Variants in FOXP2 observed in about 807,000 individuals in gnomAD.
FOXP2 encodes the protein forkhead box P2.
In FOXP2, 12 loss-of-function variants were observed where a neutral mutation model predicts 115.8. The observed-to-expected ratio is 0.10, with a 90% CI of 0.07 to 0.17. The LOEUF is 0.17. FOXP2 is among the 10% of genes least tolerant of loss of function. The pLI is 1.00. For missense variants in FOXP2, 629 were observed against 843.5 expected, an observed-to-expected ratio of 0.75 and a Z score of 3.15; for synonymous variants, 328 against 297.7, an observed-to-expected ratio of 1.10 and a Z score of -1.05.
chr7:114,250,694 T>G (rs529749098), intron 1 of FOXP2, among the ~76,000 whole-genome samples: 1 of 152,224 alleles, frequency 6.6e-6, no homozygotes, highest in African/African-American at 2.4e-5. Context: ...ATTCTAGATA[T>G]TAGCCCTTTG....
At chr7:114,277,231 A>G (rs1318781083) in intron 1 of FOXP2, among the ~76,000 whole-genome samples, 1 of 152,128 alleles carries the variant, frequency 6.6e-6, no homozygotes, top group Non-Finnish European at 1.5e-5. Flanking sequence ...AAATTTTATT[A>G]TTTTTGTTTT....
chr7:114,691,211 G>GTAT lies in FOXP2; in HGVS notation c.*1286_*1287insATT. 1 of 453,952 alleles carries GTAT rather than the reference G, an allele frequency of 2.2e-6. No individual in the cohort carries two copies. 28.1% of individuals were successfully genotyped at this position (453,952 alleles called of 1,614,324 possible). ...TGGTGAATACATGTTGTTAGAAGAT[G>GTAT]TCTTGTATGGTCTTAATCTTTGTTG... On this transcript the variant is annotated 3_prime_UTR_variant, in exon 17 of 17. Coordinates refer to ENST00000350908, the MANE Select transcript of FOXP2 (RefSeq NM_014491.4).
chr7:114,629,956 AG>A lies in FOXP2; in HGVS notation c.549del (p.Gln183HisfsTer79). On this transcript the variant is annotated frameshift_variant, in exon 5 of 17. Coordinates refer to ENST00000350908, the MANE Select transcript of FOXP2 (RefSeq NM_014491.4). LOFTEE classifies it high-confidence loss of function. ...QQQQQQQQQQ[Q>X]QQQQQQQQHP... ...CAGCAGCAACAACAGCAGCAGCAGC[AG>A]CAACAGCAGCAGCAGCAGCAACAGC... 1 of 1,612,010 alleles carries A rather than the reference AG, an allele frequency of 6.2e-7. No individual in the cohort carries two copies. Among genetic ancestry groups the A allele is most frequent in the Non-Finnish European group, 8.5e-7 (1 of 1,179,136 alleles).
intron 1 of FOXP2, among the ~76,000 whole-genome samples, chr7:114,101,010 A>T (rs1790935878): frequency 6.6e-6 from 1 of 152,110 alleles, no homozygotes. Context: ...TGCTCAGGAA[A>T]CACAGGACTC....
Position 114,223,489 on chromosome 7 carries a change from T to TTA in FOXP2, c.-102+60411_-102+60412dup, listed in dbSNP as rs113213202. Among the ~76,000 whole-genome samples, 560 of 147,424 alleles carry TTA rather than the reference T, an allele frequency of 3.8e-3. 6 individuals carry two copies. The highest frequency in any genetic ancestry group is 0.013 in the African/African-American group (532 of 40,640). On this transcript the variant is annotated intron_variant, in intron 1 of 17. Coordinates refer to the FOXP2 transcript ENST00000634411. Reference sequence around the variant, plus strand: ...AGGAATTCTTTATATATTATATACATTATATATATATTATATATAATATAT... The same window carrying TTA: ...AGGAATTCTTTATATATTATATACATTATATATATATATTATATATAATATAT...
chr7:114,470,594 T>C (rs1185977133), intron 2 of FOXP2, among the ~76,000 whole-genome samples: 1 of 152,178 alleles, frequency 6.6e-6, no homozygotes, highest in Non-Finnish European at 1.5e-5. Context: ...GGTCTCTATA[T>C]ACTGGATGGA....
intron 1 of FOXP2, among the ~76,000 whole-genome samples, chr7:114,175,719 A>G (rs1793272977): frequency 6.6e-6 from 1 of 152,216 alleles, no homozygotes. Context: ...GCTATAAAAA[A>G]AGCATTTGCT....
intron 2 of FOXP2, among the ~76,000 whole-genome samples, chr7:114,300,228 A>G (rs892129073): frequency 3.9e-5 from 6 of 152,152 alleles, no homozygotes; most frequent in African/African-American, 1.4e-4. Context: ...ACAGATGACG[A>G]TTCAATCTAT....
intron 2 of FOXP2, among the ~76,000 whole-genome samples, chr7:114,345,505 T>G (rs1791325554): frequency 6.6e-6 from 1 of 151,824 alleles, no homozygotes; most frequent in African/African-American, 2.4e-5. Context: ...GCAAAGGCAT[T>G]CCTTAATGCT....
At chr7:114,235,845 C>T (rs1794994501) in intron 1 of FOXP2, among the ~76,000 whole-genome samples, 1 of 152,152 alleles carries the variant, frequency 6.6e-6, no homozygotes, top group Non-Finnish European at 1.5e-5. Context: ...GTTCATTCTC[C>T]AGTCTTATCA....
At chr7:114,162,886 A>AG (rs1258996384), upstream of FOXP2, 2 of 151,836 alleles carry the variant, frequency 1.3e-5, no homozygotes, top group Non-Finnish European at 2.9e-5. Context: ...CAGTACAGTA[A>AG]GAAAAAAAAA....
intron 1 of FOXP2, among the ~76,000 whole-genome samples, chr7:114,114,621 A>G (rs1791355953): frequency 6.6e-6 from 1 of 151,690 alleles, no homozygotes; most frequent in African/African-American, 2.4e-5. Context: ...GTACTGAGCA[A>G]CTCTTCCTGG....
At chr7:114,654,770 T>C (rs1321886054) in intron 10 of FOXP2, among the ~76,000 whole-genome samples, 1 of 152,116 alleles carries the variant, frequency 6.6e-6, no homozygotes, top group Non-Finnish European at 1.5e-5. Flanking sequence ...GGGATACTTT[T>C]TAATAAGGCC....
chr7:114,099,534 GGA>G (rs1799729884), intron 1 of FOXP2, among the ~76,000 whole-genome samples: 2 of 152,108 alleles, frequency 1.3e-5, no homozygotes. Flanking sequence ...TATACCCAAA[GGA>G]AATGAGATCA....
At chr7:114,392,800 G>A (rs1792635103) in intron 2 of FOXP2, among the ~76,000 whole-genome samples, 1 of 152,190 alleles carries the variant, frequency 6.6e-6, no homozygotes, top group South Asian at 2.1e-4. Flanking sequence ...AACCAACTTA[G>A]TAAGTGCCTA....
At chr7:114,099,699 C>A (rs1478486248) in intron 1 of FOXP2, among the ~76,000 whole-genome samples, 1 of 152,100 alleles carries the variant, frequency 6.6e-6, no homozygotes, top group South Asian at 2.1e-4. Context: ...GTTCCAGGAC[C>A]TCCCTTGGAC....
intron 2 of FOXP2, among the ~76,000 whole-genome samples, chr7:114,436,308 T>TA (rs1794346448): frequency 6.6e-6 from 1 of 151,774 alleles, no homozygotes; most frequent in Non-Finnish European, 1.5e-5. Context: ...CTGTCACAGT[T>TA]ACAATTTCAT....
chr7:114,412,680 TATGGCTTG>T (rs1377716129), upstream of FOXP2, among the ~76,000 whole-genome samples: 1 of 152,150 alleles, frequency 6.6e-6, no homozygotes, highest in Non-Finnish European at 1.5e-5. Flanking sequence ...GGGAGGCACC[TATGGCTTG>T]ATAGCTGTGT....
intron 1 of FOXP2, among the ~76,000 whole-genome samples, chr7:114,218,944 A>G (rs1057363060): frequency 6.6e-6 from 1 of 152,168 alleles, no homozygotes; most frequent in African/African-American, 2.4e-5. Context: ...CAAGTTTTAT[A>G]TATATTTACT....
Sources: gnomAD v4.1 joint callset for allele counts (sites outside exome capture counted in the v4.1 genomes callset) on GRCh38, gnomAD v4.1.1 for gene constraint, MANE v1.5 for transcripts, NCBI Gene and HGNC (gene_info 2026-07-23, HGNC 2026-07-21) for gene names.